Variants in TACR1 observed in about 807,000 individuals in gnomAD.
TACR1 encodes the protein substance-P receptor.
In TACR1, 25 loss-of-function variants were observed where a neutral mutation model predicts 35.8. The observed-to-expected ratio is 0.70, with a 90% CI of 0.51 to 0.98. TACR1 has a LOEUF of 0.98. TACR1 is among the 50% of genes least tolerant of loss of function. The pLI, the probability that TACR1 is intolerant of heterozygous loss-of-function variation, is 0.00. For missense variants in TACR1, 478 were observed against 522.9 expected (o/e 0.91, Z 0.84); for synonymous variants, 195 against 206.7 (o/e 0.94, Z 0.48).
intron 2 of TACR1, among the ~76,000 whole-genome samples, chr2:75,093,710 T>C (rs1356466748): frequency 6.6e-6 from 1 of 152,114 alleles, no homozygotes; most frequent in Non-Finnish European, 1.5e-5. Flanking sequence ...ATATAGGCTG[T>C]TTGGCAGATA....
At chr2:75,165,026 G>A (rs1247044884) in intron 1 of TACR1, among the ~76,000 whole-genome samples, 1 of 152,140 alleles carries the variant, frequency 6.6e-6, no homozygotes, top group Non-Finnish European at 1.5e-5. Flanking sequence ...GGATGCATGG[G>A]ACCCAGCATG....
intron 1 of TACR1, among the ~76,000 whole-genome samples, chr2:75,147,146 A>G (rs1385412645): frequency 1.3e-5 from 2 of 152,238 alleles, no homozygotes; most frequent in Non-Finnish European, 2.9e-5. Flanking sequence ...GTCTAAGCAG[A>G]TGCCAGCACT....
chr2:75,054,664 G>C (rs1672537808), intron 2 of TACR1, among the ~76,000 whole-genome samples: 1 of 152,002 alleles, frequency 6.6e-6, no homozygotes. Flanking sequence ...ATTTTTCTTG[G>C]GGGTTTGGGG....
At chr2:75,133,314 G>A (rs1674214540) in intron 1 of TACR1, among the ~76,000 whole-genome samples, 1 of 152,088 alleles carries the variant, frequency 6.6e-6, no homozygotes, top group Non-Finnish European at 1.5e-5. Context: ...CTGTCACTTT[G>A]CTGCTGTCTT....
At chr2:75,141,480 A>C (rs1674403150) in intron 1 of TACR1, among the ~76,000 whole-genome samples, 2 of 152,018 alleles carry the variant, frequency 1.3e-5, no homozygotes, top group South Asian at 4.1e-4. Flanking sequence ...GAGCATAGGA[A>C]TTACAGCTCT....
At chr2:75,195,448 T>G (rs1421092113) in intron 1 of TACR1, among the ~76,000 whole-genome samples, 1 of 150,030 alleles carries the variant, frequency 6.7e-6, no homozygotes, top group Non-Finnish European at 1.5e-5. Context: ...CCACCTTTCC[T>G]GTAGAAAGAC....
intron 2 of TACR1, among the ~76,000 whole-genome samples, chr2:75,059,989 C>G (rs1672641294): frequency 1.3e-5 from 2 of 152,324 alleles, no homozygotes; most frequent in South Asian, 4.1e-4. Flanking sequence ...GTGTTAGAGC[C>G]AAATTCCAAA....
chr2:75,159,006 T>C (rs1022827651), intron 1 of TACR1, among the ~76,000 whole-genome samples: 2 of 152,146 alleles, frequency 1.3e-5, no homozygotes, highest in Non-Finnish European at 2.9e-5. Context: ...CTCATTTAAT[T>C]CTTACTACAA....
At chr2:75,154,526 ACTCT>A (rs375822745) in intron 1 of TACR1, 1 of 117,134 alleles carries the variant, frequency 8.5e-6, no homozygotes, top group African/African-American at 4.5e-5. Flanking sequence ...ACACACACAC[ACTCT>A]CTGAAGAAAC....
Position 75,198,938 on chromosome 2 carries a change from G to C in TACR1, c.-4C>G. On this transcript the variant is annotated 5_prime_UTR_variant, in exon 1 of 5. Coordinates refer to ENST00000305249, the MANE Select transcript of TACR1 (RefSeq NM_001058.4). ...CCACCGGGAGGACGTTATCCATTTC[G>C]AAGCTAGGCGGTAAAGCCCTACTAT... is the stretch of plus-strand genomic sequence containing the variant. 6 of 1,612,396 alleles carry C rather than the reference G, an allele frequency of 3.7e-6. No individual in the cohort carries two copies. The highest frequency in any genetic ancestry group is 5.1e-6 in the Non-Finnish European group (6 of 1,179,678).
intron 2 of TACR1, among the ~76,000 whole-genome samples, chr2:75,108,894 C>G (rs1319369376): frequency 8.5e-5 from 13 of 152,204 alleles, no homozygotes; most frequent in African/African-American, 2.4e-5. Context: ...GTAGTTAATT[C>G]CTTTTCCCTC....
intron 1 of TACR1, among the ~76,000 whole-genome samples, chr2:75,126,045 A>T (rs1674064767): frequency 1.3e-5 from 2 of 152,100 alleles, no homozygotes; most frequent in Non-Finnish European, 2.9e-5. Flanking sequence ...AGTACCCAAT[A>T]GTTATTTTTT....
At chr2:75,162,889 T>C (rs1021119817) in intron 1 of TACR1, among the ~76,000 whole-genome samples, 2 of 152,234 alleles carry the variant, frequency 1.3e-5, no homozygotes, top group Non-Finnish European at 2.9e-5. Flanking sequence ...TGAAGAACTA[T>C]GCATTTATCA....
At chr2:75,115,450 T>C (rs998370835) in intron 2 of TACR1, among the ~76,000 whole-genome samples, 1 of 152,124 alleles carries the variant, frequency 6.6e-6, no homozygotes, top group African/African-American at 2.4e-5. Flanking sequence ...GATGATATAG[T>C]CTATTTTTGA....
chr2:75,151,007 T>G (rs1346689280), intron 1 of TACR1, among the ~76,000 whole-genome samples: 2 of 152,176 alleles, frequency 1.3e-5, no homozygotes, highest in Non-Finnish European at 2.9e-5. Flanking sequence ...ACTTTGAACT[T>G]GAAAGAGCTG....
At chr2:75,091,218 A>AAAAAAAAAAAC in intron 2 of TACR1, among the ~76,000 whole-genome samples, 1 of 151,610 alleles carries the variant, frequency 6.6e-6, no homozygotes, top group Non-Finnish European at 1.5e-5. Flanking sequence ...AAAAAAAAAA[A>AAAAAAAAAAAC]AAAAAAAATC....
At chr2:75,057,257 A>G (rs749751013) in intron 2 of TACR1, among the ~76,000 whole-genome samples, 12 of 152,178 alleles carry the variant, frequency 7.9e-5, no homozygotes, top group Non-Finnish European at 1.6e-4. Flanking sequence ...TCCTGGCTCA[A>G]AAGCTCCCCT....
chr2:75,076,636 T>C (rs1201486278), intron 2 of TACR1, among the ~76,000 whole-genome samples: 8 of 152,084 alleles, frequency 5.3e-5, no homozygotes, highest in Non-Finnish European at 1.2e-4. Flanking sequence ...AAAGATGAAC[T>C]GGGAAATGCT....
At chr2:75,056,634 T>C (rs181796981) in intron 2 of TACR1, among the ~76,000 whole-genome samples, 4 of 152,266 alleles carry the variant, frequency 2.6e-5, no homozygotes, top group African/African-American at 9.6e-5. Flanking sequence ...GGCCACACCA[T>C]ACCTGAATAC....
Sources: allele counts gnomAD v4.1 joint callset (sites outside exome capture counted in the v4.1 genomes callset), GRCh38; gene constraint gnomAD v4.1.1; transcripts MANE v1.5; gene names NCBI Gene and HGNC (gene_info 2026-07-23, HGNC 2026-07-21).